Variants in TEX11 observed in about 807,000 individuals in gnomAD.
TEX11 encodes the protein testis expressed 11.
Under a neutral mutation model 84.4 loss-of-function variants are expected in TEX11, and 7 were observed. That is an observed-to-expected ratio of 0.08 (90% CI 0.05 to 0.16). TEX11 has a LOEUF of 0.16. Among genes scored for constraint, TEX11 ranks in the 10% least tolerant of loss-of-function variants. The pLI, the probability that TEX11 is intolerant of heterozygous loss-of-function variation, is 1.00. For synonymous variants in TEX11, 264 were observed against 222.8 expected (o/e 1.18, Z -1.64); for missense variants, 551 against 660.5 (o/e 0.83, Z 1.82).
At chrX:70,623,813 T>C (rs2089421353) in intron 20 of TEX11, 137 bp downstream of exon 20, 2 of 430,259 alleles carry the variant, frequency 4.6e-6, no homozygotes, top group Admixed American at 4.6e-5. Context: ...AGCCAGGATA[T>C]GAACCCAGGA....
At chrX:70,802,835 T>C (rs1602140726) in intron 9 of TEX11, among the ~76,000 whole-genome samples, 1 of 112,384 alleles carries the variant, frequency 8.9e-6, no homozygotes, top group African/African-American at 3.2e-5. Flanking sequence ...TGTGTTAATA[T>C]GCAATTCTTC....
chrX:70,897,686 AG>A (rs2091779635), intron 2 of TEX11: 1 of 36,154 alleles, frequency 2.8e-5, no homozygotes, highest in African/African-American at 7.6e-5. Context: ...AGAAAAAGAA[AG>A]AAAGAAAGAA....
intron 2 of TEX11, among the ~76,000 whole-genome samples, chrX:70,890,721 G>A (rs1040981060): frequency 7.1e-5 from 8 of 112,410 alleles, no homozygotes; most frequent in Non-Finnish European, 1.1e-4. Flanking sequence ...ACTCAGCAGA[G>A]CCCACCGCAG....
At chrX:70,604,269 T>G (rs1603132305) in intron 24 of TEX11, among the ~76,000 whole-genome samples, 1 of 111,759 alleles carries the variant, frequency 8.9e-6, no homozygotes, top group African/African-American at 3.2e-5. Context: ...AAATAAGATG[T>G]TATTATTATT....
intron 11 of TEX11, among the ~76,000 whole-genome samples, chrX:70,736,951 A>G (rs1453724724): frequency 8.9e-6 from 1 of 111,976 alleles, no homozygotes; most frequent in Non-Finnish European, 1.9e-5. Context: ...ATAGTATTAC[A>G]AAAATATCCA....
the TEX11 span, among the ~76,000 whole-genome samples, chrX:70,515,583 G>A: frequency 2.7e-5 from 3 of 112,197 alleles, no homozygotes; most frequent in South Asian, 3.7e-4. Flanking sequence ...GTAAACATAT[G>A]TGTGCATGCA....
intron 20 of TEX11, among the ~76,000 whole-genome samples, chrX:70,616,519 G>T (rs1249129675): frequency 9.0e-6 from 1 of 111,312 alleles, no homozygotes; most frequent in Non-Finnish European, 1.9e-5. Context: ...AGGAAGACAG[G>T]ACAGAAGGAA....
intron 8 of TEX11, among the ~76,000 whole-genome samples, chrX:70,813,125 C>A (rs1206942634): frequency 9.1e-6 from 1 of 109,371 alleles, no homozygotes; most frequent in Admixed American, 9.7e-5. Flanking sequence ...GATACCAAAG[C>A]CTGGCAGAGA....
intron 2 of TEX11, among the ~76,000 whole-genome samples, chrX:70,896,974 C>CA (rs1336566744): frequency 2.9e-4 from 30 of 102,775 alleles, no homozygotes; most frequent in Middle Eastern, 5.0e-3. Context: ...ACTAAAAATA[C>CA]AAAAAAAAAT....
chrX:70,848,685 G>A (rs2091491964), intron 7 of TEX11, among the ~76,000 whole-genome samples: 1 of 111,917 alleles, frequency 8.9e-6, no homozygotes, highest in Non-Finnish European at 1.9e-5. Context: ...AGCTGACAAT[G>A]CAGATTAATT....
intron 13 of TEX11, among the ~76,000 whole-genome samples, chrX:70,714,518 T>G (rs1371430114): frequency 1.3e-4 from 14 of 111,776 alleles, no homozygotes; most frequent in African/African-American, 2.0e-4. Flanking sequence ...AGCTCTTCTT[T>G]TTGTATTGAT....
At chrX:70,637,805 A>G (rs1373655466) in intron 17 of TEX11, among the ~76,000 whole-genome samples, 2 of 111,547 alleles carry the variant, frequency 1.8e-5, no homozygotes, top group Non-Finnish European at 3.8e-5. Context: ...AAGAACAGTT[A>G]GTGGATGCTG....
At chrX:70,876,124 T>C (rs1408187709) in intron 3 of TEX11, among the ~76,000 whole-genome samples, 1 of 112,714 alleles carries the variant, frequency 8.9e-6, no homozygotes, top group Non-Finnish European at 1.9e-5. Context: ...AGTGTAATAT[T>C]CTTTCAACTT....
intron 13 of TEX11, among the ~76,000 whole-genome samples, chrX:70,721,414 C>T (rs1453001283): frequency 9.0e-6 from 1 of 111,243 alleles, no homozygotes; most frequent in East Asian, 2.8e-4. Flanking sequence ...ATAAAAGCAA[C>T]CAAAACTTTA....
At chrX:70,640,432 C>T (rs1183639803) in intron 17 of TEX11, among the ~76,000 whole-genome samples, 6 of 105,594 alleles carry the variant, frequency 5.7e-5, no homozygotes, top group African/African-American at 1.0e-4. Context: ...CACAAAGATA[C>T]TCCTCGAGAA....
intron 25 of TEX11, 82 bp from the exon 26 acceptor site, chrX:70,554,882 G>GT (rs1400012820): frequency 3.1e-5 from 28 of 900,869 alleles, no homozygotes; most frequent in Non-Finnish European, 3.1e-5. Context: ...AACTGGAGAG[G>GT]TTTTCCTTCT....
chrX:70,533,670 A>C (rs1238789520), intron 28 of TEX11, among the ~76,000 whole-genome samples: 1 of 111,471 alleles, frequency 9.0e-6, no homozygotes, highest in Non-Finnish European at 1.9e-5. Flanking sequence ...AATGTGAGGG[A>C]AAGAGTGGCT....
At chrX:70,655,188 C>T (rs2089851999) in intron 16 of TEX11, among the ~76,000 whole-genome samples, 1 of 111,244 alleles carries the variant, frequency 9.0e-6, no homozygotes, top group African/African-American at 3.3e-5. Flanking sequence ...CACCTCATCT[C>T]AGTAAGTGAT....
intron 15 of TEX11, among the ~76,000 whole-genome samples, chrX:70,671,896 TATATATATATATATAC>T (rs1182105542): frequency 7.8e-5 from 2 of 25,568 alleles, no homozygotes. Flanking sequence ...TATATATATA[TATATATATATATATAC>T]ACACACACAT....
Sources: allele counts gnomAD v4.1 joint callset (sites outside exome capture counted in the v4.1 genomes callset), GRCh38; gene constraint gnomAD v4.1.1; transcripts MANE v1.5; gene names NCBI Gene and HGNC (gene_info 2026-07-23, HGNC 2026-07-21).